SFXN5: variants seen among roughly 807,000 people sequenced by gnomAD.
SFXN5 encodes sideroflexin 5.
Under a neutral mutation model 50.2 loss-of-function variants are expected in SFXN5, and 43 were observed. That is an observed-to-expected ratio of 0.86 (90% CI 0.67 to 1.11). The LOEUF is 1.11. SFXN5 is among the 50% of genes least tolerant of loss of function. The pLI is 0.00. For synonymous variants in SFXN5, 203 were observed against 185.8 expected (o/e 1.09, Z -0.75); for missense variants, 463 against 454.1 (o/e 1.02, Z -0.18).
intron 2 of SFXN5, among the ~76,000 whole-genome samples, chr2:73,053,130 T>C (rs917466277): frequency 4.7e-5 from 7 of 149,316 alleles, no homozygotes; most frequent in Non-Finnish European, 8.9e-5. Context: ...TGAGCCAAGA[T>C]GCCACCGCAC....
chr2:73,031,353 C>A (rs1009087638), intron 3 of SFXN5, among the ~76,000 whole-genome samples: 1 of 152,192 alleles, frequency 6.6e-6, no homozygotes, highest in Non-Finnish European at 1.5e-5. Context: ...GAAGATAGCA[C>A]GACGCCCAAA....
At chr2:72,993,741 G>A (rs1297123090) in intron 9 of SFXN5, among the ~76,000 whole-genome samples, 1 of 152,170 alleles carries the variant, frequency 6.6e-6, no homozygotes. Context: ...ATTCCCAGGT[G>A]CTGTCGTCCC....
chr2:72,949,177 T>C (rs1198640119), intron 13 of SFXN5, among the ~76,000 whole-genome samples: 1 of 152,034 alleles, frequency 6.6e-6, no homozygotes, highest in Non-Finnish European at 1.5e-5. Context: ...GGCGGGGCAA[T>C]GTTGGACTTG....
chr2:73,064,010 T>C (rs1683001789), intron 1 of SFXN5, among the ~76,000 whole-genome samples: 1 of 152,158 alleles, frequency 6.6e-6, no homozygotes, highest in African/African-American at 2.4e-5. Flanking sequence ...AGTGATTCCT[T>C]CTCTTTCCCT....
chr2:72,951,109 T>G (rs1011620059), intron 13 of SFXN5, among the ~76,000 whole-genome samples: 1 of 152,054 alleles, frequency 6.6e-6, no homozygotes, highest in Non-Finnish European at 1.5e-5. Context: ...CAGGGAGCAC[T>G]GCCTGATGGT....
intron 3 of SFXN5, among the ~76,000 whole-genome samples, chr2:73,029,351 T>C (rs965557790): frequency 6.6e-6 from 1 of 152,220 alleles, no homozygotes; most frequent in Non-Finnish European, 1.5e-5. Flanking sequence ...AAATGACATA[T>C]GCATATATAA....
chr2:73,054,689 T>C (rs929191024), intron 2 of SFXN5, among the ~76,000 whole-genome samples: 1 of 152,198 alleles, frequency 6.6e-6, no homozygotes, highest in African/African-American at 2.4e-5. Context: ...TGTCTCAATA[T>C]GTCTTGAAGT....
In SFXN5 at chr2:72,950,680, A is replaced by G. The variant is rs1161660976; in HGVS notation, c.946-5581T>C. 6.6e-6 allele frequency among the ~76,000 whole-genome samples: 1 copy of G among 152,254 alleles called. No homozygotes were observed. Among genetic ancestry groups the G allele is most frequent in the Non-Finnish European group, 1.5e-5 (1 of 68,038 alleles). On this transcript the variant is annotated intron_variant, in intron 13 of 13. Transcript: ENST00000272433. This position sits in a 1 kb window ranked among gnomAD's most constrained non-coding sequence, Gnocchi z 4.2. Reference sequence around the variant, plus strand: ...GCCAAGTTTTCTCCAAGGGAACCACATCTAGGGCCTTGCCTGGCAGTGGCC... The same window carrying G: ...GCCAAGTTTTCTCCAAGGGAACCACGTCTAGGGCCTTGCCTGGCAGTGGCC...
At chr2:73,067,717 G>A (rs548304202) in intron 1 of SFXN5, among the ~76,000 whole-genome samples, 12 of 152,216 alleles carry the variant, frequency 7.9e-5, no homozygotes, top group Non-Finnish European at 1.5e-4. Context: ...AAACAAGGCC[G>A]GCTTTAAGTT....
intron 2 of SFXN5, among the ~76,000 whole-genome samples, chr2:73,048,868 A>G (rs1024090287): frequency 5.3e-5 from 8 of 152,212 alleles, no homozygotes; most frequent in Non-Finnish European, 1.2e-4. Flanking sequence ...TTATAAAGGT[A>G]CCCTTTCTTC....
chr2:73,048,159 CAT>C (rs993777511), intron 2 of SFXN5, among the ~76,000 whole-genome samples: 2 of 152,268 alleles, frequency 1.3e-5, no homozygotes, highest in Admixed American at 1.3e-4. Flanking sequence ...TGCATATGTG[CAT>C]ATGATTCCTT....
At chr2:72,962,101 T>C (rs1012430267) in intron 12 of SFXN5, among the ~76,000 whole-genome samples, 1 of 152,172 alleles carries the variant, frequency 6.6e-6, no homozygotes, top group Non-Finnish European at 1.5e-5. Context: ...GAGCTTCCTG[T>C]TTTGCTCAAT....
chr2:73,020,065 A>C (rs1191148836), intron 6 of SFXN5, 174 bp downstream of exon 6: 2 of 611,392 alleles, frequency 3.3e-6, no homozygotes, highest in South Asian at 2.2e-5. Context: ...GAGGTTTGCC[A>C]ATCAGCATCA....
chr2:73,067,066 C>T (rs1265926830), intron 1 of SFXN5, among the ~76,000 whole-genome samples: 1 of 147,454 alleles, frequency 6.8e-6, no homozygotes, highest in Admixed American at 6.6e-5. Flanking sequence ...AAAGAAAAAA[C>T]AAATAATGAT....
Position 73,071,693 on chromosome 2 carries a change from C to G in SFXN5, c.13G>C (p.Ala5Pro). MADT[A>P]TTASAAAASA... ...GCCGCCGCCGCCGATGCTGTAGTCG[C>G]TGTATCCGCCATGGCCACTGACGCC... The change falls in exon 1 of 14, where the codon GCG becomes CCG. Residue 5 changes from alanine (A) to proline (P), a missense_variant. Ala to Pro is a conservative substitution (Grantham distance 27). Coordinates refer to ENST00000272433, the MANE Select transcript of SFXN5 (RefSeq NM_144579.3). 1 of 1,612,928 alleles carries G rather than the reference C, an allele frequency of 6.2e-7. No homozygotes were observed.
chr2:72,958,335 G>A (rs1163139747), intron 13 of SFXN5, among the ~76,000 whole-genome samples: 1 of 152,184 alleles, frequency 6.6e-6, no homozygotes, highest in East Asian at 1.9e-4. Flanking sequence ...TGGACTTGGA[G>A]TGTGGACCTC....
chr2:73,032,546 G>A (rs1678450878), intron 3 of SFXN5, among the ~76,000 whole-genome samples: 1 of 152,224 alleles, frequency 6.6e-6, no homozygotes, highest in Non-Finnish European at 1.5e-5. Context: ...CCTACCTGAA[G>A]TTCGGTGTAG....
intron 3 of SFXN5, among the ~76,000 whole-genome samples, chr2:73,027,270 A>C (rs1329310148): frequency 6.6e-6 from 1 of 152,224 alleles, no homozygotes; most frequent in Non-Finnish European, 1.5e-5. Flanking sequence ...TTTGTGTCTT[A>C]CTTTTTAACA....
intron 11 of SFXN5, among the ~76,000 whole-genome samples, chr2:72,969,897 G>A (rs903644514): frequency 6.6e-6 from 1 of 152,050 alleles, no homozygotes; most frequent in Non-Finnish European, 1.5e-5. Flanking sequence ...TGGGGTGGGA[G>A]TGTCCTTGCC....
Sources: gnomAD v4.1 joint callset for allele counts (sites outside exome capture counted in the v4.1 genomes callset) on GRCh38, gnomAD v4.1.1 for gene constraint, Gnocchi (gnomAD v3.1) non-coding constraint, MANE v1.5 for transcripts, NCBI Gene and HGNC (gene_info 2026-07-23, HGNC 2026-07-21) for gene names.